The following CFAP44 variants were observed in gnomAD, a reference collection of about 807,000 sequenced individuals.
The protein encoded by CFAP44 is cilia- and flagella-associated protein 44.
CFAP44 carries 134 observed loss-of-function variants against 216.2 expected under a neutral mutation model. The ratio of observed to expected loss-of-function variants is 0.62; its 90% CI spans 0.54 to 0.72. The LOEUF (loss-of-function observed/expected upper bound fraction) is 0.72. Ranked by LOEUF, CFAP44 falls within the 30% of genes least tolerant of loss-of-function variation. CFAP44 has a pLI of 0.00. For missense variants in CFAP44, 2,035 were observed against 2,182.1 expected (o/e 0.93, Z 1.34); for synonymous variants, 700 against 727.6 (o/e 0.96, Z 0.61).
intron 18 of CFAP44, among the ~76,000 whole-genome samples, chr3:113,371,225 A>C (rs922756905): frequency 1.3e-5 from 2 of 152,196 alleles, no homozygotes; most frequent in African/African-American, 4.8e-5. Flanking sequence ...AATTGGAAAA[A>C]ACTACTTTAA....
rs73235157 is a variant in CFAP44 at position 113,287,647 on chromosome 3, A to G, written c.*3910T>C. 5,483 of 152,446 alleles carry G rather than the reference A, an allele frequency of 0.036. 206 individuals are homozygous for G. Among genetic ancestry groups the G allele is most frequent in the Non-Finnish European group, 0.044 (3,024 of 68,128 alleles). The allele number at this position is 152,446 out of a possible 1,614,324, so 9.4% of individuals were successfully genotyped here. A position where few individuals can be genotyped will look rare whatever the true frequency, so the allele number is the denominator to read the frequency against. The stretch of plus-strand genomic sequence containing the variant: ...TTGTGCTTGGATTCATGCAGAACAC[A>G]TTACCGTTTAGTCCACAAGGGAACC... On this transcript the variant is annotated 3_prime_UTR_variant, in exon 35 of 35. Transcript: ENST00000393845.
chr3:113,349,637 C>T (rs568034163), intron 22 of CFAP44, among the ~76,000 whole-genome samples: 4 of 152,166 alleles, frequency 2.6e-5, no homozygotes, highest in East Asian at 1.9e-4. Flanking sequence ...GGTGCACTGC[C>T]GCAGAGGACA....
At chr3:113,425,911 G>T in intron 4 of CFAP44, 1 of 504,008 alleles carries the variant, frequency 2.0e-6, no homozygotes, top group Non-Finnish European at 3.4e-6. Context: ...GAGCCAGATG[G>T]TCTCTGTCAC....
intron 15 of CFAP44, among the ~76,000 whole-genome samples, chr3:113,385,278 T>A (rs1933616809): frequency 6.6e-6 from 1 of 152,172 alleles, no homozygotes; most frequent in East Asian, 1.9e-4. Flanking sequence ...GAAAACAGAC[T>A]AATACAATTT....
At chr3:113,295,617 G>A (rs1233735808) in intron 33 of CFAP44, among the ~76,000 whole-genome samples, 1 of 152,208 alleles carries the variant, frequency 6.6e-6, no homozygotes, top group Non-Finnish European at 1.5e-5. Context: ...CAGGAAACTG[G>A]AGAAGTCATC....
intron 3 of CFAP44, 100 bp from the exon 4 acceptor site, chr3:113,426,377 G>A: frequency 1.6e-6 from 2 of 1,272,062 alleles, no homozygotes; most frequent in Non-Finnish European, 2.2e-6. Context: ...CACATGTCAT[G>A]GGAGAGACCT....
intron 28 of CFAP44, among the ~76,000 whole-genome samples, chr3:113,324,200 C>CA (rs1477142988): frequency 6.6e-6 from 1 of 152,072 alleles, no homozygotes; most frequent in African/African-American, 2.4e-5. Flanking sequence ...TAATTACCAC[C>CA]AATTCCATGC....
At chr3:113,304,922 T>C in intron 31 of CFAP44, 114 bp downstream of exon 31, 1 of 866,304 alleles carries the variant, frequency 1.2e-6, no homozygotes, top group Non-Finnish European at 1.8e-6. Context: ...CAGGTGGAAT[T>C]CTCAACAAAG....
intron 28 of CFAP44, among the ~76,000 whole-genome samples, chr3:113,319,500 A>G (rs918082107): frequency 2.0e-5 from 3 of 152,190 alleles, no homozygotes; most frequent in African/African-American, 4.8e-5. Flanking sequence ...AGACCTCAAC[A>G]TCCCACTGAC....
chr3:113,291,683 G>T lies in CFAP44; in HGVS notation c.5439C>A (p.Ile1813=). The T allele has an allele frequency of 1.3e-6, 2 of 1,537,132 alleles. No homozygotes were observed. Among genetic ancestry groups the T allele is most frequent in the Non-Finnish European group, 8.7e-7 (1 of 1,146,978 alleles). The change falls in exon 35 of 35, where the codon ATC becomes ATA. Residue 1813 remains isoleucine (I), a synonymous_variant. Coordinates refer to ENST00000393845, the MANE Select transcript of CFAP44 (RefSeq NM_001164496.2). ...VVAREEVTEL[I]QLQAERISAL... is the part of the protein sequence containing the mutation. ...CCGAAATCCTTTCCGCCTGGAGTTG[G>T]ATCAATTCAGTGACCTCCTCTCTTG...
At chr3:113,372,863 C>T (rs1157382536) in intron 18 of CFAP44, among the ~76,000 whole-genome samples, 1 of 152,162 alleles carries the variant, frequency 6.6e-6, no homozygotes, top group African/African-American at 2.4e-5. Context: ...AACCAACCTG[C>T]TGACACCTTG....
chr3:113,433,218 CAGG>C (rs988683574), intron 2 of CFAP44, among the ~76,000 whole-genome samples: 1 of 151,834 alleles, frequency 6.6e-6, no homozygotes, highest in African/African-American at 2.4e-5. Flanking sequence ...CACCTGAGGT[CAGG>C]AGTTCGAGAC....
intron 32 of CFAP44, 115 bp from the exon 33 acceptor site, chr3:113,297,000 T>C (rs995348101): frequency 1.6e-6 from 2 of 1,221,578 alleles, no homozygotes; most frequent in Non-Finnish European, 2.3e-6. Context: ...AAAGATTTTA[T>C]GCCATCAGTG....
chr3:113,391,200 T>C (rs1302810434), intron 15 of CFAP44, among the ~76,000 whole-genome samples: 2 of 152,108 alleles, frequency 1.3e-5, no homozygotes, highest in Non-Finnish European at 2.9e-5. Context: ...ACATCTACGA[T>C]GAGCTCATTT....
chr3:113,345,457 A>G (rs2107822874), intron 22 of CFAP44, among the ~76,000 whole-genome samples: 1 of 152,320 alleles, frequency 6.6e-6, no homozygotes. Context: ...TAGTAACTAT[A>G]AAAAGAGCAG....
In CFAP44 at chr3:113,308,226, C is replaced by A. The variant is rs910589729; in HGVS notation, c.4559G>T (p.Ser1520Ile). The A allele has an allele frequency of 1.3e-6, 2 of 1,536,328 alleles. No individual in the cohort carries two copies. Among genetic ancestry groups the A allele is most frequent in the African/African-American group, 2.7e-5 (2 of 72,992 alleles). ...AGACTCATCTTCATCACTCTCCAAG[C>A]TAGATTCTTCTTCACTTGATTCCTC... ...ESEESSEEES[S>I]LESDEDESES... is the part of the protein sequence containing the mutation. The change falls in exon 29 of 35, where the codon AGC (serine) becomes ATC (isoleucine). Residue 1520 changes from serine to isoleucine, a missense_variant. Transcript: ENST00000393845.
intron 15 of CFAP44, among the ~76,000 whole-genome samples, chr3:113,395,497 G>A (rs1447305267): frequency 1.3e-5 from 2 of 152,130 alleles, no homozygotes; most frequent in Non-Finnish European, 2.9e-5. Flanking sequence ...CCTGGTTTTT[G>A]AGAGAAGATC....
chr3:113,415,161 TG>T (rs1294849455), intron 6 of CFAP44, among the ~76,000 whole-genome samples: 3 of 152,232 alleles, frequency 2.0e-5, no homozygotes, highest in African/African-American at 7.2e-5. Context: ...GAGGTATCTA[TG>T]GTATTCTCTG....
chr3:113,375,246 G>A (rs1490644177), intron 17 of CFAP44, among the ~76,000 whole-genome samples: 2 of 152,180 alleles, frequency 1.3e-5, no homozygotes, highest in Non-Finnish European at 2.9e-5. Context: ...GAGGACGGTA[G>A]AACAGATGTT....
Sources: gnomAD v4.1 joint callset for allele counts (sites outside exome capture counted in the v4.1 genomes callset) on GRCh38, gnomAD v4.1.1 for gene constraint, MANE v1.5 for transcripts, NCBI Gene and HGNC (gene_info 2026-07-23, HGNC 2026-07-21) for gene names.